Variants in NECAB1 observed in about 807,000 individuals in gnomAD.
NECAB1 encodes N-terminal EF-hand calcium-binding protein 1.
Under a neutral mutation model 57.5 loss-of-function variants are expected in NECAB1, and 29 were observed. The ratio of observed to expected loss-of-function variants is 0.50; its 90% CI spans 0.38 to 0.69. The LOEUF (loss-of-function observed/expected upper bound fraction) is 0.69. Ranked by LOEUF, NECAB1 falls within the 30% of genes least tolerant of loss-of-function variation. The pLI is 0.00. For missense variants in NECAB1, 372 were observed against 413.8 expected (o/e 0.90, Z 0.88); for synonymous variants, 142 against 147.7 (o/e 0.96, Z 0.28).
intron 7 of NECAB1, among the ~76,000 whole-genome samples, chr8:90,926,837 A>C (rs1373356407): frequency 6.6e-6 from 1 of 152,182 alleles, no homozygotes; most frequent in African/African-American, 2.4e-5. Context: ...GCACAGTAAC[A>C]ATGGGGAGGG....
chr8:90,840,730 C>A (rs1812439841), intron 3 of NECAB1, among the ~76,000 whole-genome samples: 2 of 152,116 alleles, frequency 1.3e-5, no homozygotes, highest in Admixed American at 6.5e-5. Flanking sequence ...GAGTGCAGAA[C>A]CACATAACGC....
chr8:90,952,733 G>A (rs1489689459), intron 12 of NECAB1, among the ~76,000 whole-genome samples: 2 of 151,760 alleles, frequency 1.3e-5, no homozygotes, highest in Non-Finnish European at 2.9e-5. Flanking sequence ...AGCCAAGATC[G>A]CACCACTGCA....
At chr8:90,896,561 T>C (rs1010780265) in intron 5 of NECAB1, among the ~76,000 whole-genome samples, 8 of 151,818 alleles carry the variant, frequency 5.3e-5, no homozygotes, top group South Asian at 2.1e-4. Context: ...ACCGAGATCG[T>C]GCCACTGCAC....
chr8:90,860,238 C>CTTT lies in NECAB1; in HGVS notation c.234-11876_234-11874dup, dbSNP rs34293565. Reference sequence around the variant, plus strand: ...CAGTGTTTTTCTGTTTCTTTTTTTTCTTTTTTTTTTTTTTTTAACGTTCTA... The same window carrying CTTT: ...CAGTGTTTTTCTGTTTCTTTTTTTTCTTTTTTTTTTTTTTTTTTTAACGTTCTA... On this transcript the variant is annotated intron_variant, in intron 3 of 12. Transcript: ENST00000417640. 4.0e-3 allele frequency among the ~76,000 whole-genome samples: 549 copies of CTTT among 136,860 alleles called. 6 individuals are homozygous for CTTT. The highest frequency in any genetic ancestry group is 0.025 in the East Asian group (120 of 4,810). 89.8% of individuals were successfully genotyped at this position (136,860 alleles called of 152,430 possible). A position where few individuals can be genotyped will look rare whatever the true frequency, so the allele number is the denominator to read the frequency against.
intron 2 of NECAB1, 119 bp from the exon 3 acceptor site, chr8:90,824,598 C>A: frequency 1.9e-6 from 1 of 522,810 alleles, no homozygotes; most frequent in Non-Finnish European, 3.3e-6. Context: ...TTCAGCTGTT[C>A]TTTCTTTTTG....
intron 10 of NECAB1, among the ~76,000 whole-genome samples, chr8:90,943,149 G>A (rs1810717176): frequency 6.6e-6 from 1 of 152,212 alleles, no homozygotes; most frequent in Non-Finnish European, 1.5e-5. Context: ...AAGGGAAACA[G>A]GCTGTGGGGG....
intron 5 of NECAB1, among the ~76,000 whole-genome samples, chr8:90,885,797 T>C (rs577842617): frequency 1.3e-5 from 2 of 152,302 alleles, no homozygotes; most frequent in Admixed American, 1.3e-4. Flanking sequence ...ATTAGGTACC[T>C]TTGGTCTTTG....
intron 3 of NECAB1, among the ~76,000 whole-genome samples, chr8:90,846,973 A>T (rs1416879961): frequency 6.6e-6 from 1 of 152,134 alleles, no homozygotes; most frequent in African/African-American, 2.4e-5. Flanking sequence ...GCCCCTCTCA[A>T]ATCTAATGTT....
chr8:90,932,033 A>G (rs1267066219), intron 8 of NECAB1, among the ~76,000 whole-genome samples: 2 of 152,214 alleles, frequency 1.3e-5, no homozygotes, highest in Non-Finnish European at 2.9e-5. Flanking sequence ...TTAGTGTATC[A>G]TCAGATCACA....
intron 2 of NECAB1, among the ~76,000 whole-genome samples, chr8:90,815,961 C>G (rs1036533216): frequency 2.0e-5 from 3 of 151,830 alleles, no homozygotes; most frequent in African/African-American, 7.2e-5. Flanking sequence ...TAAGAATGTA[C>G]CAAAATGTCT....
chr8:90,928,089 T>C (rs775865139), intron 7 of NECAB1, 134 bp from the exon 8 acceptor site: 3 of 674,416 alleles, frequency 4.4e-6, no homozygotes, highest in Non-Finnish European at 7.6e-6. Flanking sequence ...CACTCGTGAA[T>C]ACATTTTAAA....
intron 5 of NECAB1, among the ~76,000 whole-genome samples, chr8:90,913,654 A>G (rs1307543147): frequency 6.6e-6 from 1 of 152,182 alleles, no homozygotes; most frequent in Non-Finnish European, 1.5e-5. Context: ...CTCTTTTTGT[A>G]CCTTCGCTAC....
rs779390291 is a variant in NECAB1 at position 90,805,223 on chromosome 8, A to G, written c.124+3508A>G. ...TCCTTCTGTACCATGTGTTCATGGC[A>G]TTCTGTATTTGCAAATAGACAGCTG... On this transcript the variant is annotated intron_variant, in intron 2 of 12. Coordinates refer to ENST00000417640, the MANE Select transcript of NECAB1 (RefSeq NM_022351.5). Among the ~76,000 whole-genome samples, 129 of 152,346 alleles carry G rather than the reference A, an allele frequency of 8.5e-4. 2 individuals are homozygous for G. Among genetic ancestry groups the G allele is most frequent in the Non-Finnish European group, 1.3e-3 (89 of 68,036 alleles).
Position 90,907,145 on chromosome 8 carries a change from T to TGAGAGAGAGA in NECAB1, c.358-10346_358-10345insAGAGAGAGAG, listed in dbSNP as rs1455170539. On this transcript the variant is annotated intron_variant, in intron 5 of 12. Transcript: ENST00000417640. ...TTTTGTGTGTGTGTGTGTGTGTGTGTGTGTGTGAGAGAGAGAGAGAGAGAG... is the reference window on the plus strand; with the variant it reads ...TTTTGTGTGTGTGTGTGTGTGTGTGTGAGAGAGAGAGTGTGTGAGAGAGAGAGAGAGAGAG... Among the ~76,000 whole-genome samples the TGAGAGAGAGA allele has an allele frequency of 2.9e-3, 300 of 104,154 alleles. 1 individual carries two copies. The highest frequency in any genetic ancestry group is 0.014 in the African/African-American group (277 of 20,336). 68.3% of individuals were successfully genotyped at this position (104,154 alleles called of 152,430 possible).
At chr8:90,881,279 G>A in intron 5 of NECAB1, 149 bp downstream of exon 5, 1 of 622,102 alleles carries the variant, frequency 1.6e-6, no homozygotes, top group South Asian at 2.0e-5. Context: ...TTATTCATTT[G>A]TAACATAATT....
At chr8:90,872,201 G>A (rs1412920733) in intron 4 of NECAB1, 48 bp downstream of exon 4, 4 of 1,422,644 alleles carry the variant, frequency 2.8e-6, no homozygotes, top group Admixed American at 2.2e-5. Context: ...GCTTAAGAAG[G>A]AAAAAGAGTA....
intron 3 of NECAB1, among the ~76,000 whole-genome samples, chr8:90,826,707 A>G (rs1812231291): frequency 6.6e-6 from 1 of 151,620 alleles, no homozygotes; most frequent in Non-Finnish European, 1.5e-5. Flanking sequence ...GTTACATTTA[A>G]TTTATATTAA....
At chr8:90,877,278 G>C (rs1041067507) in intron 4 of NECAB1, among the ~76,000 whole-genome samples, 1 of 152,114 alleles carries the variant, frequency 6.6e-6, no homozygotes, top group Non-Finnish European at 1.5e-5. Flanking sequence ...CCTGGCAGTT[G>C]ATACCTCCCT....
intron 4 of NECAB1, 48 bp downstream of exon 4, chr8:90,872,201 GAA>G: frequency 7.0e-7 from 1 of 1,422,776 alleles, no homozygotes; most frequent in Non-Finnish European, 9.6e-7. Flanking sequence ...GCTTAAGAAG[GAA>G]AAAGAGTATT....
Sources: allele counts gnomAD v4.1 joint callset (sites outside exome capture counted in the v4.1 genomes callset), GRCh38; gene constraint gnomAD v4.1.1; transcripts MANE v1.5; gene names NCBI Gene and HGNC (gene_info 2026-07-23, HGNC 2026-07-21).